PHACTR2: variants seen among roughly 807,000 people sequenced by gnomAD.
PHACTR2 encodes chromosome 6 open reading frame 56.
PHACTR2 carries 30 observed loss-of-function variants against 76.0 expected under a neutral mutation model. The ratio of observed to expected loss-of-function variants is 0.39; its 90% confidence interval spans 0.30 to 0.54. The LOEUF is 0.54. PHACTR2 is among the 20% of genes least tolerant of loss of function. The pLI is 0.61. For synonymous variants in PHACTR2, 292 were observed against 292.5 expected (o/e 1.00, Z 0.02); for missense variants, 696 against 781.1 (o/e 0.89, Z 1.30).
intron 1 of PHACTR2, among the ~76,000 whole-genome samples, chr6:143,686,633 G>A (rs1453180473): frequency 4.6e-5 from 7 of 151,866 alleles, no homozygotes; most frequent in African/African-American, 1.5e-4. Context: ...AATTACAGGC[G>A]TGAGCCACCA....
intron 10 of PHACTR2, 49 bp from the exon 11 acceptor site, chr6:143,788,724 G>A (rs1172422250): frequency 6.4e-7 from 1 of 1,550,812 alleles, no homozygotes; most frequent in South Asian, 1.2e-5. Context: ...GCCACCATGA[G>A]GCTGTAAGTG....
intron 1 of PHACTR2, among the ~76,000 whole-genome samples, chr6:143,579,565 GC>G (rs1775549734): frequency 6.6e-6 from 1 of 152,008 alleles, no homozygotes; most frequent in South Asian, 2.1e-4. Context: ...TGATGAAAGA[GC>G]CCAAGGAACC....
rs1258972762 is a variant in PHACTR2 at position 143,656,686 on chromosome 6, GA to G, written c.13+48366del. Among the ~76,000 whole-genome samples, 2 of 152,262 alleles carry G rather than the reference GA, an allele frequency of 1.3e-5. No individual in the cohort carries two copies. The highest frequency in any genetic ancestry group is 3.9e-4 in the East Asian group (2 of 5,182). ...TTAATGAATAGATGTGATCATAGAA[GA>G]AGCAATATCAAGATTTTTCACCAGC... On this transcript the variant is annotated intron_variant, in intron 1 of 11. Transcript: ENST00000305766. The surrounding 1 kb of genome is among the most constrained non-coding windows in gnomAD (Gnocchi z 5.3).
chr6:143,814,016 G>A (rs1776243800), intron 12 of PHACTR2, among the ~76,000 whole-genome samples: 1 of 152,182 alleles, frequency 6.6e-6, no homozygotes, highest in Non-Finnish European at 1.5e-5. Flanking sequence ...TATGTACTAT[G>A]TTCTTACCAG....
chr6:143,636,344 T>C (rs1001244685), intron 1 of PHACTR2, among the ~76,000 whole-genome samples: 3 of 152,216 alleles, frequency 2.0e-5, no homozygotes, highest in African/African-American at 7.2e-5. Flanking sequence ...GAGGTTGGGA[T>C]CCCCATTTAT....
chr6:143,609,516 C>T (rs548204886), intron 1 of PHACTR2, among the ~76,000 whole-genome samples: 1 of 151,914 alleles, frequency 6.6e-6, no homozygotes, highest in African/African-American at 2.4e-5. Context: ...GGATTATACC[C>T]CCATTCTGGT....
At position 143,557,906 on chromosome 6, in the gene PHACTR2, T is replaced by C. The variant is rs1167339446; in HGVS notation, c.217+20699T>C. ...CCATCTTCCATGAGAATTGTGCTTT[T>C]TTTCCCCCTTTGCTTTGTTTTGTTT... On this transcript the variant is annotated intron_variant, in intron 1 of 11. Coordinates refer to the PHACTR2 transcript ENST00000367584. This position sits in a 1 kb window ranked among gnomAD's most constrained non-coding sequence, Gnocchi z 5.5. The C allele has an allele frequency of 2.0e-5, 3 of 152,228 alleles. No homozygotes were observed. The highest frequency in any genetic ancestry group is 6.5e-5 in the Admixed American group (1 of 15,278). The allele number at this position is 152,228 out of a possible 1,614,324, so 9.4% of individuals were successfully genotyped here.
intron 1 of PHACTR2, among the ~76,000 whole-genome samples, chr6:143,620,109 T>C (rs1288774416): frequency 6.6e-6 from 1 of 152,178 alleles, no homozygotes; most frequent in Non-Finnish European, 1.5e-5. Flanking sequence ...TAGTTGAAAA[T>C]TAAAGCCAAC....
At chr6:143,634,146 G>A (rs1776410993) in intron 1 of PHACTR2, among the ~76,000 whole-genome samples, 1 of 152,166 alleles carries the variant, frequency 6.6e-6, no homozygotes, top group African/African-American at 2.4e-5. Context: ...CTTTTGCAGT[G>A]TGATAACTTT....
In PHACTR2 at chr6:143,564,885, C is replaced by T. The variant is rs550166781; in HGVS notation, c.217+27678C>T. 4.7e-5 allele frequency among the ~76,000 whole-genome samples: 7 copies of T among 149,084 alleles called. No homozygotes were observed. The East Asian group carries it at 9.8e-4, about 21-fold the overall frequency. On this transcript the variant is annotated intron_variant, in intron 1 of 11. Coordinates refer to the PHACTR2 transcript ENST00000367584. The stretch of plus-strand genomic sequence containing the variant: ...AAATGTATTGATTGGTATTTTTCTC[C>T]AGATACATGAATAGTGATCACAAGT...
rs1185996841 is a variant in PHACTR2, at chr6:143,557,912, C to G, written c.217+20705C>G. The stretch of plus-strand genomic sequence containing the variant: ...TCCATGAGAATTGTGCTTTTTTTCC[C>G]CCTTTGCTTTGTTTTGTTTTCTCAT... On this transcript the variant is annotated intron_variant, in intron 1 of 11. Coordinates refer to the PHACTR2 transcript ENST00000367584. This position sits in a 1 kb window ranked among gnomAD's most constrained non-coding sequence, Gnocchi z 5.5. 1 of 152,072 alleles carries G rather than the reference C, an allele frequency of 6.6e-6. No homozygotes were observed. Among genetic ancestry groups the G allele is most frequent in the African/African-American group, 2.4e-5 (1 of 41,396 alleles). 9.4% of individuals were successfully genotyped at this position (152,072 alleles called of 1,614,324 possible).
chr6:143,694,359 G>T (rs1777722103), intron 1 of PHACTR2, among the ~76,000 whole-genome samples: 1 of 152,206 alleles, frequency 6.6e-6, no homozygotes, highest in Admixed American at 6.5e-5. Context: ...TGTGATTGGA[G>T]CACCAAATTG....
Position 143,738,138 on chromosome 6 carries a change from G to A in PHACTR2, c.215-10847G>A, listed in dbSNP as rs757731387. 2.0e-5 allele frequency among the ~76,000 whole-genome samples: 3 copies of A among 152,104 alleles called. No homozygotes were observed. The highest frequency in any genetic ancestry group is 2.9e-5 in the Non-Finnish European group (2 of 68,026). On this transcript the variant is annotated intron_variant, in intron 2 of 12. Coordinates refer to ENST00000440869, the MANE Select transcript of PHACTR2 (RefSeq NM_001100164.2). The surrounding 1 kb of genome is among the most constrained non-coding windows in gnomAD (Gnocchi z 4.0). ...AAAGATTATACATTTTTGGCCAGGC[G>A]CTGTGGCCCACGCCTGTAATCCTAG...
chr6:143,821,219 C>G lies in PHACTR2; in HGVS notation c.1923-2455C>G, dbSNP rs1443184210. On this transcript the variant is annotated intron_variant, in intron 12 of 12. Coordinates refer to ENST00000440869, the MANE Select transcript of PHACTR2 (RefSeq NM_001100164.2). The surrounding 1 kb of genome is among the most constrained non-coding windows in gnomAD (Gnocchi z 5.2). ...GACTAAGAACAGAACTCAAAGTGGA[C>G]ACATTCCTGCTTTAGTAATAAATTG... 6.6e-6 allele frequency among the ~76,000 whole-genome samples: 1 copy of G among 152,226 alleles called. No homozygotes were observed.
intron 1 of PHACTR2, among the ~76,000 whole-genome samples, chr6:143,645,653 T>A (rs1046594328): frequency 4.6e-5 from 7 of 152,234 alleles, no homozygotes; most frequent in African/African-American, 1.7e-4. Context: ...GTTCTGGTAT[T>A]TATAGTTCTC....
At chr6:143,660,321 G>A (rs773719771) in intron 1 of PHACTR2, among the ~76,000 whole-genome samples, 4 of 152,150 alleles carry the variant, frequency 2.6e-5, no homozygotes, top group Non-Finnish European at 5.9e-5. Context: ...AGAAGGCAAG[G>A]AGGAGCAAGT....
Position 143,772,822 on chromosome 6 carries a change from A to G in PHACTR2, c.1432+365A>G, listed in dbSNP as rs1053157374. On this transcript the variant is annotated intron_variant, in intron 7 of 12. Transcript: ENST00000440869. The surrounding 1 kb of genome is among the most constrained non-coding windows in gnomAD (Gnocchi z 5.4). ...GTTGTTGAAGAAAGAAAGTCAGTGCAGATTCATAGGCTTACTCATTGGAGG... is the reference window on the plus strand; with the variant it reads ...GTTGTTGAAGAAAGAAAGTCAGTGCGGATTCATAGGCTTACTCATTGGAGG... 6.6e-6 allele frequency among the ~76,000 whole-genome samples: 1 copy of G among 152,242 alleles called. No homozygotes were observed. Among genetic ancestry groups the G allele is most frequent in the Non-Finnish European group, 1.5e-5 (1 of 68,040 alleles).
intron 1 of PHACTR2, among the ~76,000 whole-genome samples, chr6:143,685,719 T>C (rs916468167): frequency 6.7e-6 from 1 of 148,392 alleles, no homozygotes; most frequent in Non-Finnish European, 1.5e-5. Context: ...ATGCAACTGA[T>C]CACCTATGAG....
rs1406074745 is a variant in PHACTR2 at position 143,696,852 on chromosome 6, T to C, written c.47-15164T>C. Among the ~76,000 whole-genome samples, 1 of 152,206 alleles carries C rather than the reference T, an allele frequency of 6.6e-6. No individual in the cohort carries two copies. Among genetic ancestry groups the C allele is most frequent in the Non-Finnish European group, 1.5e-5 (1 of 68,038 alleles). ...GTTTGCTCCCCTTAGGGTACTGTTC[T>C]AACAGGAGATATTTGCTTCACAGTG... is the stretch of plus-strand genomic sequence containing the variant. On this transcript the variant is annotated intron_variant, in intron 1 of 12. Transcript: ENST00000440869. The surrounding 1 kb of genome is among the most constrained non-coding windows in gnomAD (Gnocchi z 4.1).
Sources: allele counts gnomAD v4.1 joint callset (sites outside exome capture counted in the v4.1 genomes callset), GRCh38; gene constraint gnomAD v4.1.1; non-coding constraint Gnocchi (gnomAD v3.1); transcripts MANE v1.5; gene names NCBI Gene and HGNC (gene_info 2026-07-23, HGNC 2026-07-21).